GKAP1: variants seen among roughly 807,000 people sequenced by gnomAD.
GKAP1 encodes G kinase-anchoring protein 1.
A neutral mutation model predicts 56.7 loss-of-function variants in GKAP1; 31 were observed. That is an observed-to-expected ratio of 0.55 (90% CI 0.41 to 0.74). The LOEUF (loss-of-function observed/expected upper bound fraction) is 0.74, where lower values mean the gene tolerates loss of function less well. Ranked by LOEUF, GKAP1 falls within the 30% of genes least tolerant of loss-of-function variation. GKAP1 has a pLI of 0.00. For synonymous variants in GKAP1, 151 were observed against 138.6 expected, an observed-to-expected ratio of 1.09 and a Z score of -0.63; for missense variants, 364 against 402.3, an observed-to-expected ratio of 0.90 and a Z score of 0.82.
intron 10 of GKAP1, among the ~76,000 whole-genome samples, chr9:83,743,981 A>G (rs1943249250): frequency 6.6e-6 from 1 of 152,194 alleles, no homozygotes; most frequent in African/African-American, 2.4e-5. Context: ...TAAAATTAGC[A>G]AAGGAGGAAA....
intron 3 of GKAP1, among the ~76,000 whole-genome samples, chr9:83,803,600 C>T (rs990101068): frequency 4.6e-4 from 70 of 152,314 alleles, no homozygotes; most frequent in African/African-American, 1.5e-3. Flanking sequence ...TCTCAGCTCG[C>T]TACAACCTCC....
At chr9:83,815,927 C>G (rs1043632590) in intron 2 of GKAP1, among the ~76,000 whole-genome samples, 1 of 150,526 alleles carries the variant, frequency 6.6e-6, no homozygotes, top group African/African-American at 2.5e-5. Flanking sequence ...GTGGCTCACA[C>G]TTGTAATCCC....
chr9:83,796,299 G>A (rs1587731986), intron 4 of GKAP1, among the ~76,000 whole-genome samples: 3 of 152,074 alleles, frequency 2.0e-5, no homozygotes, highest in Admixed American at 2.0e-4. Context: ...TGCCTCTGTT[G>A]GATTTAAATT....
At chr9:83,768,749 C>T (rs1160321284) in intron 8 of GKAP1, 69 bp downstream of exon 8, 7 of 1,355,094 alleles carry the variant, frequency 5.2e-6, no homozygotes, top group South Asian at 1.3e-5. Flanking sequence ...CTACTGCTTA[C>T]TTGTTTAAAA....
intron 1 of GKAP1, 113 bp from the exon 2 acceptor site, chr9:83,817,240 C>G (rs1944627487): frequency 6.6e-6 from 1 of 151,714 alleles, no homozygotes; most frequent in Admixed American, 6.6e-5. Flanking sequence ...ACCTGTCACT[C>G]GAGCGGCCCC....
chr9:83,752,620 G>A (rs1352861797), intron 9 of GKAP1, among the ~76,000 whole-genome samples: 1 of 152,078 alleles, frequency 6.6e-6, no homozygotes, highest in East Asian at 1.9e-4. Flanking sequence ...AAAAGTTCTG[G>A]AAATAGACAG....
intron 7 of GKAP1, among the ~76,000 whole-genome samples, chr9:83,770,782 A>T (rs1354868074): frequency 1.3e-5 from 2 of 151,226 alleles, no homozygotes; most frequent in Admixed American, 1.3e-4. Context: ...CTCGTCTCGA[A>T]CTCCTGACCT....
At chr9:83,739,872 T>A in intron 12 of GKAP1, 128 bp from the exon 13 acceptor site, 1 of 668,606 alleles carries the variant, frequency 1.5e-6, no homozygotes, top group Non-Finnish European at 2.5e-6. Flanking sequence ...TTGATTTTGT[T>A]GTAAATTTGA....
intron 7 of GKAP1, among the ~76,000 whole-genome samples, chr9:83,778,431 A>T (rs892165272): frequency 6.6e-6 from 1 of 152,214 alleles, no homozygotes; most frequent in African/African-American, 2.4e-5. Context: ...TATCCTTAAC[A>T]AACTAATGCA....
chr9:83,778,850 T>A (rs2131283015), intron 7 of GKAP1, among the ~76,000 whole-genome samples: 2 of 150,752 alleles, frequency 1.3e-5, no homozygotes, highest in South Asian at 4.2e-4. Flanking sequence ...TTATTATATA[T>A]CAGATTATTT....
At chr9:83,764,750 A>C (rs1419001136) in intron 8 of GKAP1, among the ~76,000 whole-genome samples, 1 of 152,324 alleles carries the variant, frequency 6.6e-6, no homozygotes, top group East Asian at 1.9e-4. Context: ...GCTATGCTTT[A>C]GCAAAGAAAC....
intron 7 of GKAP1, among the ~76,000 whole-genome samples, chr9:83,772,035 T>A (rs560728323): frequency 6.6e-6 from 1 of 151,928 alleles, no homozygotes; most frequent in African/African-American, 2.4e-5. Flanking sequence ...AAGATACTGA[T>A]AACAAACTAT....
chr9:83,796,670 T>G (rs1278483795), intron 4 of GKAP1, among the ~76,000 whole-genome samples: 1 of 152,048 alleles, frequency 6.6e-6, no homozygotes, highest in African/African-American at 2.4e-5. Flanking sequence ...CTTCTCCACA[T>G]TGGTCAGGCT....
chr9:83,755,900 GT>G (rs1459937940), intron 8 of GKAP1, among the ~76,000 whole-genome samples: 3 of 150,860 alleles, frequency 2.0e-5, no homozygotes, highest in African/African-American at 7.3e-5. Context: ...TGTCTCCCAG[GT>G]TCAAGTGATT....
At chr9:83,797,674 C>T (rs576376969) in intron 4 of GKAP1, among the ~76,000 whole-genome samples, 2 of 151,418 alleles carry the variant, frequency 1.3e-5, no homozygotes, top group Admixed American at 1.3e-4. Flanking sequence ...CCAAGTCACA[C>T]TATTTCCTTT....
At chr9:83,743,741 C>T (rs1046788944) in intron 10 of GKAP1, among the ~76,000 whole-genome samples, 1 of 152,036 alleles carries the variant, frequency 6.6e-6, no homozygotes, top group Non-Finnish European at 1.5e-5. Flanking sequence ...CTCATATGAT[C>T]ACAAATGATC....
chr9:83,782,355 A>ATT (rs914777066), intron 6 of GKAP1, among the ~76,000 whole-genome samples: 2,166 of 135,830 alleles, frequency 0.016, 50 homozygotes, highest in African/African-American at 0.056. Flanking sequence ...CTAATCTTGG[A>ATT]TTTTTTTTTT....
chr9:83,763,439 T>G (rs1418838455), intron 8 of GKAP1, among the ~76,000 whole-genome samples: 1 of 152,212 alleles, frequency 6.6e-6, no homozygotes, highest in Non-Finnish European at 1.5e-5. Context: ...AATAGTATCA[T>G]TGGATTGTTT....
chr9:83,759,588 T>C (rs1943534737), intron 8 of GKAP1, among the ~76,000 whole-genome samples: 3 of 152,248 alleles, frequency 2.0e-5, no homozygotes, highest in African/African-American at 2.4e-5. Context: ...TCTTTTGCTA[T>C]TACAAACAAC....
Sources: allele counts gnomAD v4.1 joint callset (sites outside exome capture counted in the v4.1 genomes callset), GRCh38; gene constraint gnomAD v4.1.1; transcripts MANE v1.5; gene names NCBI Gene and HGNC (gene_info 2026-07-23, HGNC 2026-07-21).